The following COL23A1 variants were observed in gnomAD, a reference collection of about 807,000 sequenced individuals.
The protein encoded by COL23A1 is collagen type XXIII alpha 1 chain, also known as collagen alpha-1(XXIII) chain.
COL23A1 carries 97 observed loss-of-function variants against 99.3 expected under a neutral mutation model. The observed-to-expected ratio is 0.98, with a 90% CI of 0.83 to 1.16. COL23A1 has a LOEUF of 1.16. Ranked by LOEUF, COL23A1 falls within the 50% of genes most tolerant of loss-of-function variation. COL23A1 has a pLI of 0.00. For synonymous variants in COL23A1, 320 were observed against 308.2 expected (o/e 1.04, Z -0.40); for missense variants, 762 against 757.4 (o/e 1.01, Z -0.07).
chr5:178,277,216 AAAG>A (rs1192831348), intron 5 of COL23A1, among the ~76,000 whole-genome samples: 13 of 150,378 alleles, frequency 8.6e-5, no homozygotes, highest in Non-Finnish European at 1.8e-4. Context: ...AAAAAAAAAA[AAAG>A]GTTGGGTGTG....
chr5:178,358,722 T>G (rs895243355), intron 2 of COL23A1, among the ~76,000 whole-genome samples: 6 of 142,174 alleles, frequency 4.2e-5, no homozygotes, highest in Admixed American at 2.1e-4. Context: ...TGTGTGTATG[T>G]GTATGTGTGT....
intron 2 of COL23A1, among the ~76,000 whole-genome samples, chr5:178,549,898 A>T (rs1454072399): frequency 2.0e-5 from 3 of 152,350 alleles, no homozygotes; most frequent in Non-Finnish European, 4.4e-5. Context: ...TATTCATTAA[A>T]TCTAGATGAA....
chr5:178,315,327 T>C (rs1310979103), intron 2 of COL23A1, among the ~76,000 whole-genome samples: 3 of 152,112 alleles, frequency 2.0e-5, no homozygotes, highest in Non-Finnish European at 4.4e-5. Flanking sequence ...GGGCTGGGGA[T>C]GGTAGGACCT....
At position 178,247,542 on chromosome 5, in the gene COL23A1, C is replaced by A; in HGVS notation, c.1280G>T (p.Gly427Val). 1.2e-6 allele frequency: 2 copies of A among 1,614,106 alleles called. No homozygotes were observed. Among genetic ancestry groups the A allele is most frequent in the Non-Finnish European group, 1.7e-6 (2 of 1,179,960 alleles). ...CCCACTCACCTTGGGACCCTGGATT[C>A]CCTGGAGGCCCTGCAGGAGGAGGAA... ...PGPPGPMGLQ[G>V]IQGPKGLDGA... Residue 427 changes from glycine (G) to valine (V), a missense_variant, in exon 22 of 29, where the codon GGA (glycine) becomes GTA (valine). Coordinates refer to ENST00000390654, the MANE Select transcript of COL23A1 (RefSeq NM_173465.4).
chr5:178,458,698 C>T (rs1195518883), intron 2 of COL23A1, among the ~76,000 whole-genome samples: 7 of 151,262 alleles, frequency 4.6e-5, no homozygotes, highest in African/African-American at 7.3e-5. Context: ...AACAAAACAA[C>T]GAAGAAGAGT....
Position 178,313,139 on chromosome 5 carries a change from G to A in COL23A1, c.362-6220C>T, listed in dbSNP as rs1485583029. On this transcript the variant is annotated intron_variant, in intron 2 of 28. Transcript: ENST00000390654. This position sits in a 1 kb window ranked among gnomAD's most constrained non-coding sequence, Gnocchi z 4.2. Reference sequence around the variant, plus strand: ...TCCACTTCTGGAGGCTCCTGCAGTCGCCAGATTCACAGGGGCAGAAGGTGG... The same window carrying A: ...TCCACTTCTGGAGGCTCCTGCAGTCACCAGATTCACAGGGGCAGAAGGTGG... Among the ~76,000 whole-genome samples, 3 of 152,150 alleles carry A rather than the reference G, an allele frequency of 2.0e-5. No homozygotes were observed. Among genetic ancestry groups the A allele is most frequent in the African/African-American group, 7.2e-5 (3 of 41,432 alleles).
At chr5:178,534,389 T>C (rs1271751550) in intron 2 of COL23A1, among the ~76,000 whole-genome samples, 4 of 152,204 alleles carry the variant, frequency 2.6e-5, no homozygotes, top group African/African-American at 9.6e-5. Context: ...GTGAGGATTT[T>C]GCTGTACGAA....
chr5:178,247,264 TGAG>T (rs1464676109), intron 22 of COL23A1, among the ~76,000 whole-genome samples: 1 of 151,748 alleles, frequency 6.6e-6, no homozygotes, highest in Non-Finnish European at 1.5e-5. Flanking sequence ...GTGGTGGACC[TGAG>T]GAGGAGAGAG....
At chr5:178,359,123 C>G (rs1462582831) in intron 2 of COL23A1, among the ~76,000 whole-genome samples, 1 of 152,298 alleles carries the variant, frequency 6.6e-6, no homozygotes, top group Middle Eastern at 3.4e-3. Flanking sequence ...AGTTTTGATT[C>G]TGGCACTGCA....
chr5:178,550,743 A>AG (rs1471501919), intron 2 of COL23A1, among the ~76,000 whole-genome samples: 4 of 152,088 alleles, frequency 2.6e-5, no homozygotes, highest in African/African-American at 7.2e-5. Context: ...CTCCTGGCAT[A>AG]GGGGGGCGTG....
intron 3 of COL23A1, among the ~76,000 whole-genome samples, chr5:178,293,552 CG>C (rs1375871768): frequency 6.6e-6 from 1 of 151,934 alleles, no homozygotes; most frequent in East Asian, 1.9e-4. Context: ...GAAAGGGCCA[CG>C]GGGGCTGGGG....
At chr5:178,399,683 C>T (rs1764333334) in intron 2 of COL23A1, among the ~76,000 whole-genome samples, 1 of 152,150 alleles carries the variant, frequency 6.6e-6, no homozygotes. Context: ...ACAAGCAAGC[C>T]AAAACCAAAG....
In COL23A1 at chr5:178,308,045, CTATG is replaced by C. The variant is rs1758461072; in HGVS notation, c.362-1130_362-1127del. The stretch of plus-strand genomic sequence containing the variant: ...TGTTTGCATGTGTCTGTGTGTGTCT[CTATG>C]TATGTGTGTTTGTGTGCATGTGTGT... On this transcript the variant is annotated intron_variant, in intron 2 of 28. Coordinates refer to ENST00000390654, the MANE Select transcript of COL23A1 (RefSeq NM_173465.4). The surrounding 1 kb of genome is among the most constrained non-coding windows in gnomAD (Gnocchi z 5.1). 6.6e-6 allele frequency among the ~76,000 whole-genome samples: 1 copy of C among 151,608 alleles called. No individual in the cohort carries two copies. Among genetic ancestry groups the C allele is most frequent in the African/African-American group, 2.4e-5 (1 of 41,178 alleles).
chr5:178,400,931 C>A (rs1764414272), intron 2 of COL23A1, among the ~76,000 whole-genome samples: 2 of 152,252 alleles, frequency 1.3e-5, no homozygotes, highest in Admixed American at 1.3e-4. Flanking sequence ...AGCCACCGTG[C>A]CCGGCTATCT....
intron 2 of COL23A1, among the ~76,000 whole-genome samples, chr5:178,349,417 C>T (rs1467323880): frequency 1.3e-5 from 2 of 152,174 alleles, no homozygotes; most frequent in Non-Finnish European, 2.9e-5. Context: ...GACTGGCTTC[C>T]TTTCTCACTT....
At chr5:178,293,293 C>G (rs1757561384) in intron 3 of COL23A1, among the ~76,000 whole-genome samples, 1 of 151,836 alleles carries the variant, frequency 6.6e-6, no homozygotes, top group Admixed American at 6.6e-5. Context: ...AGGGCTGGCT[C>G]TTGGCGCTGG....
chr5:178,250,522 G>A (rs1285008622), intron 17 of COL23A1, among the ~76,000 whole-genome samples: 2 of 152,152 alleles, frequency 1.3e-5, no homozygotes, highest in African/African-American at 2.4e-5. Context: ...CACAGGGGCT[G>A]GGTTTTCAGT....
intron 2 of COL23A1, among the ~76,000 whole-genome samples, chr5:178,504,699 G>A (rs913865265): frequency 2.6e-5 from 4 of 152,192 alleles, no homozygotes; most frequent in African/African-American, 7.2e-5. Flanking sequence ...CATGTGTGAG[G>A]CGAAGTGCGC....
rs370095705 is a variant in COL23A1 at position 178,437,460 on chromosome 5, C to G, written c.361+123222G>C. ...GGTCCACTTCTATGGAATCCCCAAG[C>G]CCAGCAGGAGCCTCCCATGCCACAG... On this transcript the variant is annotated intron_variant, in intron 2 of 28. Transcript: ENST00000390654. Among the ~76,000 whole-genome samples, 18 of 152,300 alleles carry G rather than the reference C, an allele frequency of 1.2e-4. No homozygotes were observed. In the East Asian group the frequency reaches 3.3e-3, roughly 28 times the overall value.
Sources: allele counts gnomAD v4.1 joint callset (sites outside exome capture counted in the v4.1 genomes callset), GRCh38; gene constraint gnomAD v4.1.1; non-coding constraint Gnocchi (gnomAD v3.1); transcripts MANE v1.5; gene names NCBI Gene and HGNC (gene_info 2026-07-23, HGNC 2026-07-21).